DPH6: variants seen among roughly 807,000 people sequenced by gnomAD.
DPH6 encodes the protein diphthamine biosynthesis 6, also known as diphthine--ammonia ligase.
A neutral mutation model predicts 38.2 loss-of-function variants in DPH6; 33 were observed. That is an observed-to-expected ratio of 0.86 (90% CI 0.65 to 1.15). The LOEUF (loss-of-function observed/expected upper bound fraction) is 1.15. Ranked by LOEUF, DPH6 falls within the 50% of genes most tolerant of loss-of-function variation. The pLI is 0.00. For missense variants in DPH6, 325 were observed against 320.0 expected (o/e 1.02, Z -0.12); for synonymous variants, 108 against 103.0 (o/e 1.05, Z -0.30).
rs2052710589 is a variant in DPH6 at position 35,371,283 on chromosome 15, G to C, written c.*867C>G. 1 of 151,856 alleles carries C rather than the reference G, an allele frequency of 6.6e-6. No homozygotes were observed. Among genetic ancestry groups the C allele is most frequent in the Non-Finnish European group, 1.5e-5 (1 of 67,912 alleles). 9.4% of individuals were successfully genotyped at this position (151,856 alleles called of 1,614,324 possible). The stretch of plus-strand genomic sequence containing the variant: ...TATAATACTATAACGGTTGACAAAT[G>C]TCATTACACATTTGTCAAAACCCAT... On this transcript the variant is annotated 3_prime_UTR_variant, in exon 9 of 9. Transcript: ENST00000256538.
rs987718956 is a variant in DPH6, at chr15:35,402,898, CTTATA to C, written c.567+7932_567+7936del. On this transcript the variant is annotated intron_variant, in intron 6 of 8. Coordinates refer to ENST00000256538, the MANE Select transcript of DPH6 (RefSeq NM_080650.4). ...TCCAACAACAGATAACTTATAATAT[CTTATA>C]TAATTATTTCATTATGCATATATCA... 5.3e-5 allele frequency among the ~76,000 whole-genome samples: 8 copies of C among 151,844 alleles called. No homozygotes were observed. In the East Asian group the frequency reaches 1.5e-3, roughly 29 times the overall value.
intron 4 of DPH6, among the ~76,000 whole-genome samples, chr15:35,451,526 T>C (rs1244681318): frequency 6.6e-6 from 1 of 152,178 alleles, no homozygotes; most frequent in Non-Finnish European, 1.5e-5. Flanking sequence ...GAAATCATCC[T>C]TTCCTTTTCT....
At chr15:35,272,651 G>A (rs1220654456) in intron 3 of DPH6, among the ~76,000 whole-genome samples, 1 of 152,092 alleles carries the variant, frequency 6.6e-6, no homozygotes, top group African/African-American at 2.4e-5. Context: ...GCTCACACCT[G>A]TAATCCTAGC....
intron 3 of DPH6, among the ~76,000 whole-genome samples, chr15:35,345,576 C>A (rs1192790304): frequency 2.6e-5 from 4 of 151,694 alleles, no homozygotes; most frequent in Admixed American, 1.3e-4. Flanking sequence ...ATCTTGCATC[C>A]CTAGAATAAC....
chr15:35,502,278 AT>A (rs1258052620), intron 3 of DPH6, among the ~76,000 whole-genome samples: 6 of 152,048 alleles, frequency 3.9e-5, no homozygotes, highest in Non-Finnish European at 8.8e-5. Flanking sequence ...TCATAATGCT[AT>A]TCTATTCTCC....
chr15:35,445,727 C>T (rs1344593977), intron 5 of DPH6, among the ~76,000 whole-genome samples: 1 of 152,128 alleles, frequency 6.6e-6, no homozygotes, highest in Non-Finnish European at 1.5e-5. Flanking sequence ...GAAAGGTAAA[C>T]AAAGATGCAG....
rs182540151 is a variant in DPH6 at position 35,405,531 on chromosome 15, T to C, written c.567+5304A>G. On this transcript the variant is annotated intron_variant, in intron 6 of 8. Transcript: ENST00000256538. ...TCACTGTTGGCATATAGACATGCTATTGATTTTTGTTTGTTGATTTTCTGT... is the reference window on the plus strand; with the variant it reads ...TCACTGTTGGCATATAGACATGCTACTGATTTTTGTTTGTTGATTTTCTGT... Among the ~76,000 whole-genome samples the C allele has an allele frequency of 1.7e-3, 256 of 152,222 alleles. 1 individual carries two copies. The highest frequency in any genetic ancestry group is 4.2e-3 in the East Asian group (22 of 5,178).
intron 3 of DPH6, among the ~76,000 whole-genome samples, chr15:35,493,422 C>A (rs566015624): frequency 8.7e-4 from 130 of 150,180 alleles, no homozygotes; most frequent in African/African-American, 3.1e-3. Context: ...AGTAATGAAA[C>A]AACAATAACA....
At chr15:35,277,992 G>A (rs1431506510) in intron 3 of DPH6, among the ~76,000 whole-genome samples, 5 of 152,158 alleles carry the variant, frequency 3.3e-5, no homozygotes, top group Middle Eastern at 3.2e-3. Flanking sequence ...TTGCATCCTG[G>A]TACATGGTAG....
chr15:35,285,872 G>GTTTTCTTTTTTTTTTTTT, intron 3 of DPH6, among the ~76,000 whole-genome samples: 1 of 52,814 alleles, frequency 1.9e-5, no homozygotes, highest in South Asian at 9.4e-4. Flanking sequence ...TTATCTTTGA[G>GTTTTCTTTTTTTTTTTTT]TTTTTTTTTT....
At chr15:35,303,657 TGAAGA>T (rs150517406) in intron 3 of DPH6, among the ~76,000 whole-genome samples, 3,876 of 150,450 alleles carry the variant, frequency 0.026, 164 homozygotes, top group African/African-American at 0.09. Flanking sequence ...CCAGTTTTGG[TGAAGA>T]GAAAATTATT....
chr15:35,522,346 C>A, intron 3 of DPH6: 3 of 1,503,908 alleles, frequency 2.0e-6, no homozygotes, highest in Admixed American at 4.0e-5. Flanking sequence ...AGCCCTGAGG[C>A]TGGATTACCA....
intron 3 of DPH6, among the ~76,000 whole-genome samples, chr15:35,223,659 C>T (rs1306062901): frequency 6.6e-6 from 1 of 151,746 alleles, no homozygotes; most frequent in Non-Finnish European, 1.5e-5. Context: ...GCACTCCAGC[C>T]TGGGCGACAG....
chr15:35,369,228 C>T (rs1201695433), downstream of DPH6, among the ~76,000 whole-genome samples: 1 of 151,672 alleles, frequency 6.6e-6, no homozygotes, highest in Non-Finnish European at 1.5e-5. Context: ...TAATTAAGGT[C>T]AAGCTAGATT....
At chr15:35,402,275 G>T (rs1288044866) in intron 6 of DPH6, among the ~76,000 whole-genome samples, 2 of 152,118 alleles carry the variant, frequency 1.3e-5, no homozygotes, top group African/African-American at 4.8e-5. Flanking sequence ...CAGTTCAACT[G>T]ATAGTTACTG....
At chr15:35,222,449 G>C (rs1309393962) in intron 3 of DPH6, among the ~76,000 whole-genome samples, 1 of 152,088 alleles carries the variant, frequency 6.6e-6, no homozygotes, top group Non-Finnish European at 1.5e-5. Flanking sequence ...GGTACAGCTT[G>C]GTTTTATACA....
intron 3 of DPH6, among the ~76,000 whole-genome samples, chr15:35,314,512 A>G (rs1438579010): frequency 6.6e-6 from 1 of 152,206 alleles, no homozygotes; most frequent in Non-Finnish European, 1.5e-5. Flanking sequence ...GGGAACTGCT[A>G]ACAAATGTCC....
the DPH6 span, among the ~76,000 whole-genome samples, chr15:35,198,583 T>TC: frequency 6.6e-6 from 1 of 152,236 alleles, no homozygotes; most frequent in Non-Finnish European, 1.5e-5. Flanking sequence ...GTACTATTCA[T>TC]CTTGGAAAGC....
At chr15:35,285,944 T>C (rs570274698) in intron 3 of DPH6, among the ~76,000 whole-genome samples, 1 of 133,766 alleles carries the variant, frequency 7.5e-6, no homozygotes, top group Non-Finnish European at 1.5e-5. Context: ...TCTGAAATGA[T>C]AATAAGAGCT....
Sources: gnomAD v4.1 joint callset for allele counts (sites outside exome capture counted in the v4.1 genomes callset) on GRCh38, gnomAD v4.1.1 for gene constraint, MANE v1.5 for transcripts, NCBI Gene and HGNC (gene_info 2026-07-23, HGNC 2026-07-21) for gene names.